Variants in HMCN1 observed in about 807,000 individuals in gnomAD.
The protein encoded by HMCN1 is hemicentin 1, also known as hemicentin-1.
HMCN1 carries 321 observed loss-of-function variants against 625.9 expected under a neutral mutation model. The observed-to-expected ratio is 0.51, with a 90% confidence interval of 0.47 to 0.56. HMCN1 has a LOEUF of 0.56. Among genes scored for constraint, HMCN1 ranks in the 20% least tolerant of loss-of-function variants. The probability of loss-of-function intolerance (pLI) is 0.00; values close to 1 mark genes in which losing one functional copy is unlikely to be tolerated. For missense variants in HMCN1, 6,588 were observed against 6,887.3 expected, an observed-to-expected ratio of 0.96 and a Z score of 1.54; for synonymous variants, 2,425 against 2,417.6, an observed-to-expected ratio of 1.00 and a Z score of -0.09.
intron 86 of HMCN1, among the ~76,000 whole-genome samples, chr1:186,133,937 G>A (rs1030306922): frequency 6.6e-6 from 1 of 151,932 alleles, no homozygotes; most frequent in Non-Finnish European, 1.5e-5. Flanking sequence ...TTAATATGTT[G>A]GTGTGAATTA....
intron 2 of HMCN1, among the ~76,000 whole-genome samples, chr1:185,854,791 A>C (rs534886271): frequency 1.3e-5 from 2 of 152,160 alleles, no homozygotes; most frequent in Non-Finnish European, 2.9e-5. Flanking sequence ...GTCTTTGTAA[A>C]TCATAATGAT....
intron 1 of HMCN1, among the ~76,000 whole-genome samples, chr1:185,743,982 GTTTT>G (rs1214723950): frequency 1.9e-4 from 17 of 88,138 alleles, no homozygotes; most frequent in African/African-American, 6.8e-4. Flanking sequence ...TTACTGTTTT[GTTTT>G]TTTTTTTTTT....
At chr1:185,790,877 ATTTATTTG>A (rs1339939840) in intron 1 of HMCN1, among the ~76,000 whole-genome samples, 12 of 152,104 alleles carry the variant, frequency 7.9e-5, no homozygotes, top group African/African-American at 2.4e-4. Context: ...TTATTTATTT[ATTTATTTG>A]TTTATTTATG....
chr1:185,901,281 T>C lies in HMCN1; in HGVS notation c.622-8056T>C, dbSNP rs143668506. Among the ~76,000 whole-genome samples the C allele has an allele frequency of 2.0e-3, 297 of 151,830 alleles. 1 individual carries two copies. The highest frequency in any genetic ancestry group is 6.9e-3 in the African/African-American group (288 of 41,506). On this transcript the variant is annotated intron_variant, in intron 4 of 106. Transcript: ENST00000271588. ...GCAGCACAAAATCTAAAAATGTATT[T>C]GTTTCCTTCTCTCCCAACTCTCTCT...
intron 49 of HMCN1, among the ~76,000 whole-genome samples, chr1:186,065,930 A>T (rs574500104): frequency 6.6e-6 from 1 of 152,302 alleles, no homozygotes; most frequent in East Asian, 1.9e-4. Context: ...TACCCCCTAA[A>T]TTTATTGTAT....
At chr1:186,013,854 A>C (rs1360639480) in intron 30 of HMCN1, among the ~76,000 whole-genome samples, 1 of 152,194 alleles carries the variant, frequency 6.6e-6, no homozygotes, top group Non-Finnish European at 1.5e-5. Flanking sequence ...GATATAAATA[A>C]GTGATTGACT....
chr1:186,156,338 G>T (rs74333977), intron 97 of HMCN1, among the ~76,000 whole-genome samples: 141 of 152,188 alleles, frequency 9.3e-4, no homozygotes, highest in African/African-American at 3.3e-3. Context: ...ATACAAAGGC[G>T]CTTCAAAATC....
At chr1:186,133,418 C>T (rs1662051502) in intron 86 of HMCN1, among the ~76,000 whole-genome samples, 1 of 152,146 alleles carries the variant, frequency 6.6e-6, no homozygotes, top group African/African-American at 2.4e-5. Context: ...TTCTCATGCT[C>T]ATCAGGAAGC....
At chr1:186,100,802 T>G (rs1043514088) in intron 68 of HMCN1, among the ~76,000 whole-genome samples, 19 of 152,252 alleles carry the variant, frequency 1.2e-4, no homozygotes, top group Middle Eastern at 3.4e-3. Context: ...GGTTCAGCAG[T>G]TCAAATATTT....
In HMCN1 at chr1:186,037,263, C is replaced by T. The variant is rs138622064; in HGVS notation, c.5750-671C>T. Among the ~76,000 whole-genome samples, 949 of 152,148 alleles carry T rather than the reference C, an allele frequency of 6.2e-3. 13 individuals carry two copies. The highest frequency in any genetic ancestry group is 0.021 in the African/African-American group (886 of 41,520). Reference sequence around the variant, plus strand: ...TTTAATCCTGGATGTCTCTCACACTCCTTGAGATATTGTTGAAAACATGGC... The same window carrying T: ...TTTAATCCTGGATGTCTCTCACACTTCTTGAGATATTGTTGAAAACATGGC... On this transcript the variant is annotated intron_variant, in intron 36 of 106. Transcript: ENST00000271588.
At chr1:186,054,090 G>A in intron 44 of HMCN1, 104 bp downstream of exon 44, 1 of 1,114,638 alleles carries the variant, frequency 9.0e-7, no homozygotes, top group East Asian at 2.5e-5. Context: ...AAAATGGTAT[G>A]GTTGTAACTA....
rs1667052165 is a variant in HMCN1, at chr1:185,922,508, G to C, written c.1021+9G>C. On this transcript the variant is annotated intron_variant, in intron 7 of 106. Coordinates refer to ENST00000271588, the MANE Select transcript of HMCN1 (RefSeq NM_031935.3). ...CAGCAGACCAGTGCAAGGTTTGTAT[G>C]TGCATATTATTTAAATTGACATAAT... 1.2e-6 allele frequency: 2 copies of C among 1,602,680 alleles called. No individual in the cohort carries two copies. Among genetic ancestry groups the C allele is most frequent in the Non-Finnish European group, 1.7e-6 (2 of 1,172,994 alleles).
At chr1:185,923,697 G>C (rs1220998113) in intron 8 of HMCN1, 44 bp downstream of exon 8, 6 of 1,503,894 alleles carry the variant, frequency 4.0e-6, no homozygotes, top group Non-Finnish European at 5.5e-6. Flanking sequence ...GACAGTTTAA[G>C]AGGGTGATGT....
intron 1 of HMCN1, among the ~76,000 whole-genome samples, chr1:185,762,782 T>G (rs888812123): frequency 2.6e-5 from 4 of 152,058 alleles, no homozygotes; most frequent in African/African-American, 9.7e-5. Context: ...GAGCTTTTAG[T>G]GTGGAAGAGA....
Position 186,015,168 on chromosome 1 carries a change from G to A in HMCN1, c.4640G>A (p.Ser1547Asn). Residue 1547 changes from serine (S) to asparagine (N), a missense_variant, in exon 31 of 107, where the codon AGT (serine) becomes AAT (asparagine). By Grantham distance (46) the Ser-to-Asn change is conservative (BLOSUM62 1). Coordinates refer to ENST00000271588, the MANE Select transcript of HMCN1 (RefSeq NM_031935.3). Reference protein sequence around the residue: ...DIKLTIYIPPSIKGGNVTTDI... With the variant: ...DIKLTIYIPPNIKGGNVTTDI... ...CTGAAATCCTTTGTAGTTCCACCTA[G>A]TATTAAAGGAGGAAATGTCACCACA... The A allele has an allele frequency of 6.2e-7, 1 of 1,613,166 alleles. No individual in the cohort carries two copies. Among genetic ancestry groups the A allele is most frequent in the Non-Finnish European group, 8.5e-7 (1 of 1,179,304 alleles).
chr1:185,934,329 G>A (rs1667706125), intron 11 of HMCN1, among the ~76,000 whole-genome samples: 1 of 152,080 alleles, frequency 6.6e-6, no homozygotes, highest in South Asian at 2.1e-4. Context: ...AAGCAGAGTG[G>A]TTTTTAACCT....
intron 101 of HMCN1, 123 bp downstream of exon 101, chr1:186,171,573 G>A: frequency 2.5e-6 from 2 of 800,898 alleles, no homozygotes; most frequent in South Asian, 2.9e-5. Flanking sequence ...CATGCAGCAT[G>A]TATGCAATCC....
Position 186,172,086 on chromosome 1 carries a change from C to T in HMCN1, c.15769C>T (p.Leu5257Phe). ...NTRGGYKCID[L>F]CPNGMTKAEN... ...CCGTGGTGGCTATAAGTGCATTGAT[C>T]TTTGTCCAAATGGAATGACCAAGGC... Residue 5257 changes from leucine to phenylalanine, a missense_variant, in exon 102 of 107, where the codon CTT becomes TTT. Leu to Phe is a conservative substitution (Grantham distance 22). Transcript: ENST00000271588. The T allele has an allele frequency of 6.2e-7, 1 of 1,613,826 alleles. No individual in the cohort carries two copies. The highest frequency in any genetic ancestry group is 1.1e-5 in the South Asian group (1 of 91,074).
intron 78 of HMCN1, among the ~76,000 whole-genome samples, chr1:186,119,506 C>CTT (rs1405829413): frequency 6.6e-6 from 1 of 152,146 alleles, no homozygotes; most frequent in Non-Finnish European, 1.5e-5. Context: ...AATTTTTCTT[C>CTT]TTGGCTTTTT....
Sources: gnomAD v4.1 joint callset for allele counts (sites outside exome capture counted in the v4.1 genomes callset) on GRCh38, gnomAD v4.1.1 for gene constraint, MANE v1.5 for transcripts, NCBI Gene and HGNC (gene_info 2026-07-23, HGNC 2026-07-21) for gene names.